DOCK2: variants seen among roughly 807,000 people sequenced by gnomAD.
DOCK2 encodes the protein dedicator of cytokinesis protein 2.
DOCK2 carries 87 observed loss-of-function variants against 248.9 expected under a neutral mutation model. The observed-to-expected ratio is 0.35, with a 90% confidence interval of 0.29 to 0.42. DOCK2 has a LOEUF of 0.42. Ranked by LOEUF, DOCK2 falls within the 10% of genes least tolerant of loss-of-function variation. The probability of loss-of-function intolerance (pLI) is 1.00; values close to 1 mark genes in which losing one functional copy is unlikely to be tolerated. For synonymous variants in DOCK2, 805 were observed against 821.6 expected, an observed-to-expected ratio of 0.98 and a Z score of 0.35; for missense variants, 1,747 against 2,300.2, an observed-to-expected ratio of 0.76 and a Z score of 4.92.
At chr5:169,893,685 A>C (rs261068) in intron 27 of DOCK2, among the ~76,000 whole-genome samples, 57,177 of 151,950 alleles carry the variant, frequency 0.38, 12,781 homozygotes, top group African/African-American at 0.63. Context: ...TCTTCTCCAT[A>C]AGCTCCATCC....
intron 27 of DOCK2, among the ~76,000 whole-genome samples, chr5:169,952,193 A>G (rs367652672): frequency 2.0e-5 from 3 of 152,218 alleles, no homozygotes; most frequent in Admixed American, 2.0e-4. Flanking sequence ...ATCTTTGCAA[A>G]TAAGAATTCA....
chr5:169,694,997 A>G (rs1283566200), intron 9 of DOCK2, among the ~76,000 whole-genome samples: 1 of 152,140 alleles, frequency 6.6e-6, no homozygotes, highest in Admixed American at 6.5e-5. Context: ...ATAAATAAAT[A>G]AACAAACAGA....
chr5:169,953,257 CAGG>C (rs1776737247), intron 27 of DOCK2, among the ~76,000 whole-genome samples: 1 of 150,542 alleles, frequency 6.6e-6, no homozygotes. Flanking sequence ...CACTTGAACC[CAGG>C]AGGCGGAGGT....
At chr5:169,839,072 G>A (rs1769779848) in intron 26 of DOCK2, among the ~76,000 whole-genome samples, 1 of 152,172 alleles carries the variant, frequency 6.6e-6, no homozygotes, top group Admixed American at 6.5e-5. Context: ...TTGTAAATGA[G>A]CATGGGTGGT....
At chr5:169,950,088 G>A (rs1776598333) in intron 27 of DOCK2, among the ~76,000 whole-genome samples, 1 of 152,126 alleles carries the variant, frequency 6.6e-6, no homozygotes, top group Non-Finnish European at 1.5e-5. Flanking sequence ...AAGCCCATCT[G>A]GCACCATTCT....
Position 169,834,018 on chromosome 5 carries a change from A to G in DOCK2, c.2704-6739A>G, listed in dbSNP as rs371941820. Among the ~76,000 whole-genome samples the G allele has an allele frequency of 6.2e-4, 94 of 150,560 alleles. No individual in the cohort carries two copies. The East Asian group carries it at 0.016, about 26-fold the overall frequency. ...CCCTGCAGTAAGCTCACAGACCACA[A>G]GCCCTACTCACATGCTCAGTCAGTG... On this transcript the variant is annotated intron_variant, in intron 26 of 51. Transcript: ENST00000520908.
intron 30 of DOCK2, among the ~76,000 whole-genome samples, chr5:170,004,214 C>A (rs1581519914): frequency 1.3e-5 from 2 of 152,168 alleles, no homozygotes; most frequent in Admixed American, 1.3e-4. Context: ...ATGAGTATAT[C>A]CATATGATAG....
At chr5:169,771,742 C>T (rs10036467) in intron 25 of DOCK2, among the ~76,000 whole-genome samples, 3,618 of 152,198 alleles carry the variant, frequency 0.024, 156 homozygotes, top group African/African-American at 0.083. Context: ...AGCAAAAGTT[C>T]TTAATTTTAA....
chr5:169,788,212 G>T (rs927394418), intron 25 of DOCK2, among the ~76,000 whole-genome samples: 1 of 152,076 alleles, frequency 6.6e-6, no homozygotes, highest in East Asian at 1.9e-4. Context: ...TCACTTGCAT[G>T]CTGGTCCTGT....
At chr5:169,659,339 A>G (rs1288357774) in intron 2 of DOCK2, among the ~76,000 whole-genome samples, 1 of 152,164 alleles carries the variant, frequency 6.6e-6, no homozygotes, top group Non-Finnish European at 1.5e-5. Flanking sequence ...TTATGGGGAT[A>G]AAATGAGAAA....
intron 27 of DOCK2, among the ~76,000 whole-genome samples, chr5:169,964,999 C>A (rs1048668335): frequency 6.6e-6 from 1 of 152,148 alleles, no homozygotes; most frequent in Non-Finnish European, 1.5e-5. Context: ...GAGAAGGAGC[C>A]AGGTCTGATT....
rs183455037 is a variant in DOCK2 at position 170,024,024 on chromosome 5, G to A, written c.3382-3839G>A. Among the ~76,000 whole-genome samples the A allele has an allele frequency of 1.9e-3, 287 of 152,340 alleles. 2 individuals carry two copies. Among genetic ancestry groups the A allele is most frequent in the Non-Finnish European group, 2.6e-3 (176 of 68,038 alleles). On this transcript the variant is annotated intron_variant, in intron 33 of 51. Transcript: ENST00000520908. ...TGAAGCAAACACGAGGCCCATATCA[G>A]GCCAGTCTCCTGGAAGAGGGAGGCC...
chr5:169,749,318 T>A (rs747340141), intron 23 of DOCK2, among the ~76,000 whole-genome samples: 6 of 152,044 alleles, frequency 3.9e-5, no homozygotes, highest in East Asian at 1.9e-4. Flanking sequence ...CTGGCCCAAA[T>A]CACAAGGAAA....
intron 26 of DOCK2, among the ~76,000 whole-genome samples, chr5:169,804,395 C>T (rs905485609): frequency 2.7e-5 from 4 of 149,924 alleles, no homozygotes; most frequent in South Asian, 2.1e-4. Context: ...CAATATATAA[C>T]GACTAAAATC....
intron 25 of DOCK2, among the ~76,000 whole-genome samples, chr5:169,782,493 C>T (rs1223295710): frequency 6.7e-6 from 1 of 150,256 alleles, no homozygotes; most frequent in African/African-American, 2.5e-5. Flanking sequence ...AGGCAGCTTC[C>T]TCCTTAGTTT....
At chr5:169,814,653 C>T (rs1561725107) in intron 26 of DOCK2, among the ~76,000 whole-genome samples, 1 of 152,146 alleles carries the variant, frequency 6.6e-6, no homozygotes, top group Non-Finnish European at 1.5e-5. Context: ...ATCTATGCAA[C>T]TCGCTAGGAA....
In DOCK2 at chr5:169,883,723, G is replaced by A. The variant is rs189748904; in HGVS notation, c.2799+42871G>A. 4 of 1,551,420 alleles carry A rather than the reference G, an allele frequency of 2.6e-6. No homozygotes were observed. In the East Asian group the frequency reaches 9.8e-5, roughly 38 times the overall value. On this transcript the variant is annotated intron_variant, in intron 27 of 51. Coordinates refer to ENST00000520908, the MANE Select transcript of DOCK2 (RefSeq NM_004946.3). ...CTTCCCCATCACAGCCGGGTCTTCT[G>A]GAGTTTGGACGTCAACCTCAGCTAG...
intron 9 of DOCK2, among the ~76,000 whole-genome samples, chr5:169,691,495 G>T (rs1485682852): frequency 6.6e-6 from 1 of 152,204 alleles, no homozygotes; most frequent in Non-Finnish European, 1.5e-5. Context: ...CTTTCATGGT[G>T]CAGTGGGGTT....
At chr5:169,978,273 C>G (rs115205071) in intron 27 of DOCK2, among the ~76,000 whole-genome samples, 1 of 151,602 alleles carries the variant, frequency 6.6e-6, no homozygotes, top group Non-Finnish European at 1.5e-5. Context: ...AGGCAGCACC[C>G]ATGCCCCTCG....
Sources: gnomAD v4.1 joint callset for allele counts (sites outside exome capture counted in the v4.1 genomes callset) on GRCh38, gnomAD v4.1.1 for gene constraint, MANE v1.5 for transcripts, NCBI Gene and HGNC (gene_info 2026-07-23, HGNC 2026-07-21) for gene names.